Variants in CYYR1 observed in about 807,000 individuals in gnomAD.
The protein encoded by CYYR1 is cysteine and tyrosine rich 1.
Under a neutral mutation model 15.2 loss-of-function variants are expected in CYYR1, and 14 were observed. The observed-to-expected ratio is 0.92, with a 90% CI of 0.61 to 1.44. The LOEUF (loss-of-function observed/expected upper bound fraction) is 1.44. Ranked by LOEUF, CYYR1 falls within the 40% of genes most tolerant of loss-of-function variation. The probability of loss-of-function intolerance (pLI) is 0.00; values close to 1 mark genes in which losing one functional copy is unlikely to be tolerated. For missense variants in CYYR1, 228 were observed against 209.5 expected (o/e 1.09, Z -0.54); for synonymous variants, 80 against 77.4 (o/e 1.03, Z -0.18).
intron 1 of CYYR1, among the ~76,000 whole-genome samples, chr21:26,566,814 G>A (rs1485825398): frequency 6.6e-6 from 1 of 152,094 alleles, no homozygotes; most frequent in East Asian, 1.9e-4. Flanking sequence ...TCTGAGACCA[G>A]CCTGGCCAAC....
chr21:26,500,453 G>A (rs1359797010), intron 2 of CYYR1, among the ~76,000 whole-genome samples: 1 of 152,156 alleles, frequency 6.6e-6, no homozygotes, highest in East Asian at 1.9e-4. Context: ...GATGATGGAA[G>A]GCCAGGAAGT....
chr21:26,469,216 C>T (rs1223250453), intron 3 of CYYR1, among the ~76,000 whole-genome samples: 1 of 152,106 alleles, frequency 6.6e-6, no homozygotes, highest in Non-Finnish European at 1.5e-5. Context: ...AGTCCTTGAG[C>T]AACCAAGTCT....
chr21:26,520,272 C>T (rs113028687), intron 2 of CYYR1, among the ~76,000 whole-genome samples: 5 of 151,516 alleles, frequency 3.3e-5, no homozygotes, highest in African/African-American at 7.3e-5. Context: ...TTGTTCCCCT[C>T]TCTGTGTCCA....
chr21:26,536,890 A>G (rs781181607), intron 2 of CYYR1, among the ~76,000 whole-genome samples: 2 of 152,158 alleles, frequency 1.3e-5, no homozygotes, highest in Non-Finnish European at 2.9e-5. Context: ...CTGATTCAAT[A>G]AACATTTACT....
chr21:26,544,659 A>G (rs1373005321), intron 2 of CYYR1, among the ~76,000 whole-genome samples: 1 of 152,250 alleles, frequency 6.6e-6, no homozygotes, highest in Non-Finnish European at 1.5e-5. Context: ...GATCGATGAT[A>G]ATGTCAGAGG....
At position 26,492,903 on chromosome 21, in the gene CYYR1, C is replaced by T. The variant is rs150732712; in HGVS notation, c.177-12474G>A. On this transcript the variant is annotated intron_variant, in intron 2 of 3. Transcript: ENST00000652641. ...CTAGGTTCTATGAGATCAGAGAGGA[C>T]GGCATCTATCATATATGTTAGCATG... Among the ~76,000 whole-genome samples the T allele has an allele frequency of 2.3e-3, 344 of 151,974 alleles. 2 individuals carry two copies. The highest frequency in any genetic ancestry group is 6.8e-3 in the Middle Eastern group (2 of 294).
intron 1 of CYYR1, among the ~76,000 whole-genome samples, chr21:26,566,958 G>A (rs989226442): frequency 1.3e-4 from 20 of 149,524 alleles, no homozygotes; most frequent in African/African-American, 4.5e-4. Flanking sequence ...GCAATGAGCC[G>A]AGATCATGCC....
chr21:26,536,256 T>A (rs1171873807), intron 2 of CYYR1, among the ~76,000 whole-genome samples: 1 of 152,146 alleles, frequency 6.6e-6, no homozygotes, highest in Non-Finnish European at 1.5e-5. Context: ...TTTGACATGA[T>A]ATTTGGTGGA....
intron 2 of CYYR1, among the ~76,000 whole-genome samples, chr21:26,534,343 C>T (rs1429623089): frequency 6.6e-6 from 1 of 152,186 alleles, no homozygotes; most frequent in Non-Finnish European, 1.5e-5. Flanking sequence ...GCTTCAGAGG[C>T]AGTGGCCTCT....
At chr21:26,531,291 G>A (rs894130792) in intron 2 of CYYR1, among the ~76,000 whole-genome samples, 21 of 152,080 alleles carry the variant, frequency 1.4e-4, no homozygotes, top group South Asian at 4.1e-4. Flanking sequence ...CTTGACAACC[G>A]TTCTTCTCAT....
intron 2 of CYYR1, among the ~76,000 whole-genome samples, chr21:26,510,688 T>C (rs140805183): frequency 1.2e-3 from 183 of 152,336 alleles, no homozygotes; most frequent in African/African-American, 4.3e-3. Context: ...ATTAAAATCT[T>C]TTGATAATAT....
chr21:26,502,220 A>G (rs773445387), intron 2 of CYYR1, among the ~76,000 whole-genome samples: 6 of 152,180 alleles, frequency 3.9e-5, no homozygotes, highest in Non-Finnish European at 8.8e-5. Context: ...GAGTCAAGCC[A>G]AACAGATCAA....
At chr21:26,468,677 T>C (rs768179649) in intron 3 of CYYR1, 43 bp from the exon 4 acceptor site, 4 of 1,456,412 alleles carry the variant, frequency 2.7e-6, no homozygotes, top group Non-Finnish European at 3.8e-6. Context: ...TTAGCAAATA[T>C]TTGCATTTCT....
intron 2 of CYYR1, among the ~76,000 whole-genome samples, chr21:26,549,047 GAA>G (rs922748698): frequency 7.1e-6 from 1 of 140,634 alleles, no homozygotes. Context: ...TGCAGTAAAA[GAA>G]AAAAAAAAAG....
intron 2 of CYYR1, among the ~76,000 whole-genome samples, chr21:26,503,229 C>A (rs60178911): frequency 3.9e-5 from 6 of 152,144 alleles, no homozygotes; most frequent in Non-Finnish European, 7.3e-5. Flanking sequence ...TAATTTGGAA[C>A]CTGTTCCTGA....
Position 26,468,302 on chromosome 21 carries a change from CA to C in CYYR1, c.*198del. On this transcript the variant is annotated 3_prime_UTR_variant, in exon 4 of 4. Coordinates refer to ENST00000652641, the MANE Select transcript of CYYR1 (RefSeq NM_001320768.2). ...CTCTTAAAATGTGGTTCCATAGAAC[CA>C]AACATTAATACTCCAGATGGGGTCA... is the stretch of plus-strand genomic sequence containing the variant. 3.3e-6 allele frequency: 2 copies of C among 597,532 alleles called. No individual in the cohort carries two copies. The highest frequency in any genetic ancestry group is 3.8e-5 in the South Asian group (2 of 52,576). The allele number at this position is 597,532 out of a possible 1,614,324, so 37.0% of individuals were successfully genotyped here.
intron 2 of CYYR1, among the ~76,000 whole-genome samples, chr21:26,519,206 A>G (rs1315868293): frequency 6.6e-6 from 1 of 152,202 alleles, no homozygotes; most frequent in East Asian, 1.9e-4. Flanking sequence ...TAACTGTCCT[A>G]CAAGAGATTA....
chr21:26,473,216 C>T (rs2830242), intron 3 of CYYR1, among the ~76,000 whole-genome samples: 104,679 of 151,854 alleles, frequency 0.69, 36,853 homozygotes, highest in African/African-American at 0.85. Context: ...GACAATTGCT[C>T]ATTGCAAACC....
In CYYR1 at chr21:26,533,929, G is replaced by A. The variant is rs905632290; in HGVS notation, c.176+32337C>T. On this transcript the variant is annotated intron_variant, in intron 2 of 3. Transcript: ENST00000652641. ...CTTTTGTTAGGAATTGAGGACACAG[G>A]TGTACCTAAGATTAATTCAAATGAC... Among the ~76,000 whole-genome samples the A allele has an allele frequency of 3.3e-5, 5 of 152,206 alleles. No individual in the cohort carries two copies. The South Asian group carries it at 6.2e-4, about 19-fold the overall frequency.
Sources: gnomAD v4.1 joint callset for allele counts (sites outside exome capture counted in the v4.1 genomes callset) on GRCh38, gnomAD v4.1.1 for gene constraint, MANE v1.5 for transcripts, NCBI Gene and HGNC (gene_info 2026-07-23, HGNC 2026-07-21) for gene names.